Variants in HOMER1 observed in about 807,000 individuals in gnomAD.
The protein encoded by HOMER1 is homer scaffold protein 1.
In HOMER1, 3 loss-of-function variants were observed where a neutral mutation model predicts 48.9. That is an observed-to-expected ratio of 0.06 (90% CI 0.03 to 0.16). The LOEUF (loss-of-function observed/expected upper bound fraction) is 0.16. HOMER1 is among the 10% of genes least tolerant of loss of function. The pLI is 1.00. For synonymous variants in HOMER1, 134 were observed against 146.4 expected (o/e 0.92, Z 0.61); for missense variants, 247 against 411.4 (o/e 0.60, Z 3.46).
At chr5:79,477,754 C>CT (rs1751824368) in intron 1 of HOMER1, among the ~76,000 whole-genome samples, 1 of 152,142 alleles carries the variant, frequency 6.6e-6, no homozygotes, top group Non-Finnish European at 1.5e-5. Flanking sequence ...GCACAACCAC[C>CT]TTTAAATTGT....
chr5:79,502,993 T>C (rs965302248), intron 1 of HOMER1, among the ~76,000 whole-genome samples: 2 of 152,080 alleles, frequency 1.3e-5, no homozygotes, highest in Admixed American at 6.5e-5. Flanking sequence ...GGTTTCACCG[T>C]GTTAGCCAGG....
chr5:79,424,025 T>G (rs1013474012), intron 5 of HOMER1, among the ~76,000 whole-genome samples: 5 of 152,076 alleles, frequency 3.3e-5, no homozygotes, highest in African/African-American at 9.7e-5. Context: ...TCAGAACACA[T>G]TCTATAAACT....
intron 2 of HOMER1, among the ~76,000 whole-genome samples, chr5:79,455,631 T>C (rs1462289614): frequency 6.6e-6 from 1 of 152,200 alleles, no homozygotes; most frequent in African/African-American, 2.4e-5. Flanking sequence ...CTAATATAGA[T>C]GGCAAGCAGG....
chr5:79,482,504 G>A (rs1751975651), intron 1 of HOMER1, among the ~76,000 whole-genome samples: 2 of 151,722 alleles, frequency 1.3e-5, no homozygotes. Flanking sequence ...GAAAATGTCT[G>A]GATGAAATAA....
chr5:79,480,689 T>C (rs1751921387), intron 1 of HOMER1, among the ~76,000 whole-genome samples: 1 of 152,238 alleles, frequency 6.6e-6, no homozygotes, highest in African/African-American at 2.4e-5. Flanking sequence ...CAGGCCCTTC[T>C]AAAATCTGAG....
In HOMER1 at chr5:79,430,136, GTT is replaced by G. The variant is rs761325235; in HGVS notation, c.527+8872_527+8873del. Among the ~76,000 whole-genome samples, 5 of 151,986 alleles carry G rather than the reference GTT, an allele frequency of 3.3e-5. No homozygotes were observed. The East Asian group carries it at 5.8e-4, about 18-fold the overall frequency. On this transcript the variant is annotated intron_variant, in intron 5 of 8. Coordinates refer to ENST00000334082, the MANE Select transcript of HOMER1 (RefSeq NM_004272.5). ...TTAAAAATCAATTATCTGGTAGGAGGTTAATAACTAGAAATTATAAAGAACTA... is the reference window on the plus strand; with the variant it reads ...TTAAAAATCAATTATCTGGTAGGAGGAATAACTAGAAATTATAAAGAACTA...
intron 1 of HOMER1, among the ~76,000 whole-genome samples, chr5:79,463,826 G>A (rs756011591): frequency 6.6e-6 from 1 of 152,106 alleles, no homozygotes; most frequent in Non-Finnish European, 1.5e-5. Flanking sequence ...GGAAGAGGAA[G>A]AAATGGAAAG....
intron 1 of HOMER1, among the ~76,000 whole-genome samples, chr5:79,508,735 G>GC (rs1352296443): frequency 5.9e-5 from 9 of 151,926 alleles, no homozygotes; most frequent in East Asian, 1.9e-4. Context: ...AGCAGCTAAT[G>GC]CCCCCCCAAC....
intron 1 of HOMER1, chr5:79,510,491 G>A (rs1752910882): frequency 7.1e-6 from 5 of 705,878 alleles, no homozygotes; most frequent in South Asian, 6.8e-5. Context: ...GCACAGAAAT[G>A]GTATCAAGAA....
At chr5:79,397,051 T>C (rs1195551496) in intron 7 of HOMER1, 148 bp from the exon 8 acceptor site, 1 of 566,888 alleles carries the variant, frequency 1.8e-6, no homozygotes, top group African/African-American at 1.9e-5. Context: ...GATGAATTCA[T>C]CTTTATATGT....
At chr5:79,379,116 A>ATATATATATATATATT (rs1561340324) in intron 8 of HOMER1, among the ~76,000 whole-genome samples, 1 of 84,064 alleles carries the variant, frequency 1.2e-5, no homozygotes, top group African/African-American at 5.3e-5. Flanking sequence ...ATATATATAA[A>ATATATATATATATATT]ATATATAAAT....
In HOMER1 at chr5:79,451,095, T is replaced by G; in HGVS notation, c.189A>C (p.Pro63=). Residue 63 remains proline, a synonymous_variant, in exon 3 of 9, where the codon CCA becomes CCC. Transcript: ENST00000334082. The part of the protein sequence containing the change: ...SKAIINSTIT[P]NMTFTKTSQK... ...GAGATGTTTTAGTAAATGTCATGTTTGGGGTGATGGTACTATTTATTATTG... is the reference window on the plus strand; with the variant it reads ...GAGATGTTTTAGTAAATGTCATGTTGGGGGTGATGGTACTATTTATTATTG... 4 of 1,613,872 alleles carry G rather than the reference T, an allele frequency of 2.5e-6. No homozygotes were observed. Among genetic ancestry groups the G allele is most frequent in the Non-Finnish European group, 3.4e-6 (4 of 1,179,818 alleles).
chr5:79,489,296 G>A (rs759253874), intron 1 of HOMER1, among the ~76,000 whole-genome samples: 6 of 152,130 alleles, frequency 3.9e-5, no homozygotes, highest in Non-Finnish European at 5.9e-5. Flanking sequence ...TGTACTAAGT[G>A]GTGGACATTT....
intron 8 of HOMER1, among the ~76,000 whole-genome samples, chr5:79,378,396 T>C (rs1021973672): frequency 2.0e-5 from 3 of 150,950 alleles, no homozygotes; most frequent in Non-Finnish European, 4.4e-5. Context: ...AGGAAGAATT[T>C]AAGGAATCGA....
At chr5:79,460,778 A>G (rs1270618614) in intron 1 of HOMER1, among the ~76,000 whole-genome samples, 1 of 152,184 alleles carries the variant, frequency 6.6e-6, no homozygotes, top group Non-Finnish European at 1.5e-5. Context: ...TACAATGCAC[A>G]AGATAGCTTT....
rs140736500 is a variant in HOMER1 at position 79,405,366 on chromosome 5, G to C, written c.528-3311C>G. 3.3e-4 allele frequency among the ~76,000 whole-genome samples: 50 copies of C among 152,262 alleles called. 2 individuals carry two copies. The highest frequency in any genetic ancestry group is 1.2e-3 in the African/African-American group (48 of 41,554). On this transcript the variant is annotated intron_variant, in intron 5 of 8. Transcript: ENST00000334082. ...TATAGTTTAAGCCATGCAGTCTACA[G>C]CATTTTTTAGGACAACTCAAGCAAA...
chr5:79,486,066 C>T (rs1580019296), intron 1 of HOMER1, among the ~76,000 whole-genome samples: 1 of 152,150 alleles, frequency 6.6e-6, no homozygotes. Flanking sequence ...GCTGTAAGGA[C>T]AAGCAGCCTG....
chr5:79,401,630 T>C (rs962297015), intron 6 of HOMER1, among the ~76,000 whole-genome samples: 3 of 152,182 alleles, frequency 2.0e-5, no homozygotes, highest in Admixed American at 2.0e-4. Context: ...CATTAGTGCT[T>C]TTATGTACTT....
intron 5 of HOMER1, among the ~76,000 whole-genome samples, chr5:79,416,928 T>C (rs1749957159): frequency 6.6e-6 from 1 of 152,194 alleles, no homozygotes; most frequent in African/African-American, 2.4e-5. Context: ...TTAAATACTT[T>C]AACGTAAATC....
Sources: allele counts gnomAD v4.1 joint callset (sites outside exome capture counted in the v4.1 genomes callset), GRCh38; gene constraint gnomAD v4.1.1; transcripts MANE v1.5; gene names NCBI Gene and HGNC (gene_info 2026-07-23, HGNC 2026-07-21).